Variants in CLIC5 observed in about 807,000 individuals in gnomAD.
CLIC5 encodes the protein chloride intracellular channel protein 5.
Under a neutral mutation model 24.7 loss-of-function variants are expected in CLIC5, and 20 were observed. The ratio of observed to expected loss-of-function variants is 0.81; its 90% CI spans 0.57 to 1.18. The LOEUF (loss-of-function observed/expected upper bound fraction) is 1.18. Ranked by LOEUF, CLIC5 falls within the 50% of genes most tolerant of loss-of-function variation. The pLI, the probability that CLIC5 is intolerant of heterozygous loss-of-function variation, is 0.00. For missense variants in CLIC5, 341 were observed against 326.1 expected (o/e 1.05, Z -0.35); for synonymous variants, 159 against 135.6 (o/e 1.17, Z -1.20).
At chr6:45,968,745 A>G (rs963459189) in intron 1 of CLIC5, among the ~76,000 whole-genome samples, 3 of 152,200 alleles carry the variant, frequency 2.0e-5, no homozygotes, top group African/African-American at 4.8e-5. Flanking sequence ...AGTGCTATGA[A>G]TTTGTAATAG....
upstream of CLIC5, among the ~76,000 whole-genome samples, chr6:46,019,008 G>C (rs1427022579): frequency 1.3e-5 from 2 of 151,676 alleles, no homozygotes; most frequent in Non-Finnish European, 1.5e-5. Flanking sequence ...ACTCTAAGTA[G>C]CCTGAGAAAA....
At chr6:45,885,288 A>C (rs1269672062) in intron 6 of CLIC5, among the ~76,000 whole-genome samples, 1 of 152,144 alleles carries the variant, frequency 6.6e-6, no homozygotes, top group African/African-American at 2.4e-5. Context: ...TCAGCCTTCC[A>C]CTACCTGGAA....
chr6:46,019,517 T>C (rs1383732168), upstream of CLIC5, among the ~76,000 whole-genome samples: 1 of 149,368 alleles, frequency 6.7e-6, no homozygotes, highest in Non-Finnish European at 1.5e-5. Flanking sequence ...AAACCCCGTC[T>C]CTACTAAAAA....
At chr6:45,980,585 G>A (rs1042407191) in intron 1 of CLIC5, among the ~76,000 whole-genome samples, 2 of 151,784 alleles carry the variant, frequency 1.3e-5, no homozygotes, top group Non-Finnish European at 2.9e-5. Flanking sequence ...AAAGGAGAGA[G>A]ATGGCTTTAG....
At chr6:46,069,357 A>G (rs778781532) in intron 1 of CLIC5, among the ~76,000 whole-genome samples, 16 of 152,166 alleles carry the variant, frequency 1.1e-4, no homozygotes, top group Non-Finnish European at 1.9e-4. Context: ...AATAAACACA[A>G]TTAGAAACAA....
At chr6:46,017,405 G>A (rs1767049658), upstream of CLIC5, among the ~76,000 whole-genome samples, 1 of 152,196 alleles carries the variant, frequency 6.6e-6, no homozygotes, top group Non-Finnish European at 1.5e-5. Flanking sequence ...TTTACAAATA[G>A]TATAATGATC....
At chr6:46,124,661 T>G in the CLIC5 span, among the ~76,000 whole-genome samples, 4 of 152,182 alleles carry the variant, frequency 2.6e-5, no homozygotes, top group South Asian at 8.3e-4. Context: ...GGGAGAAAAT[T>G]TTTGCAATCT....
At chr6:45,969,994 G>A (rs1275809264) in intron 1 of CLIC5, among the ~76,000 whole-genome samples, 1 of 152,034 alleles carries the variant, frequency 6.6e-6, no homozygotes, top group Non-Finnish European at 1.5e-5. Flanking sequence ...AGTAAAATGG[G>A]GGCGCAGTGC....
chr6:45,952,000 C>G (rs1764487049), intron 2 of CLIC5, among the ~76,000 whole-genome samples: 1 of 152,168 alleles, frequency 6.6e-6, no homozygotes, highest in South Asian at 2.1e-4. Context: ...TGTGCATGTC[C>G]CTCATTTTAG....
chr6:45,886,423 C>G (rs1359430160), intron 6 of CLIC5, among the ~76,000 whole-genome samples: 1 of 152,226 alleles, frequency 6.6e-6, no homozygotes, highest in Non-Finnish European at 1.5e-5. Context: ...GTGCATACCC[C>G]TTTCATCAGC....
chr6:45,883,752 C>T (rs1762281618), intron 6 of CLIC5: 2 of 152,216 alleles, frequency 1.3e-5, no homozygotes, highest in Admixed American at 1.3e-4. Context: ...ACTAAACATG[C>T]CTGGAGGAAA....
chr6:45,902,877 A>C lies in CLIC5; in HGVS notation c.*211T>G. 1 of 579,782 alleles carries C rather than the reference A, an allele frequency of 1.7e-6. No individual in the cohort carries two copies. The highest frequency in any genetic ancestry group is 3.0e-6 in the Non-Finnish European group (1 of 331,358). 35.9% of individuals were successfully genotyped at this position (579,782 alleles called of 1,614,324 possible). On this transcript the variant is annotated 3_prime_UTR_variant, in exon 6 of 6. Transcript: ENST00000339561. ...GCCGGCCGAAAGGTGGACTGTGTCT[A>C]TCATTTCTGCTAGATTCCTATGTGA...
intron 1 of CLIC5, among the ~76,000 whole-genome samples, chr6:45,985,731 C>T (rs1435672843): frequency 2.0e-5 from 3 of 152,130 alleles, no homozygotes; most frequent in Non-Finnish European, 4.4e-5. Flanking sequence ...CATCCCTTTT[C>T]CAAAGGTCAT....
intron 1 of CLIC5, among the ~76,000 whole-genome samples, chr6:46,036,989 G>A (rs1045203283): frequency 1.7e-4 from 26 of 151,942 alleles, no homozygotes; most frequent in African/African-American, 5.3e-4. Context: ...AGAAGAACAA[G>A]CAAGAAAAAA....
chr6:45,990,826 G>A (rs912775465), intron 1 of CLIC5, among the ~76,000 whole-genome samples: 3 of 152,210 alleles, frequency 2.0e-5, no homozygotes, highest in African/African-American at 7.2e-5. Flanking sequence ...GTTGTTGTTT[G>A]ATTGGTGTGA....
At chr6:45,958,153 G>A (rs1764708410) in intron 1 of CLIC5, among the ~76,000 whole-genome samples, 1 of 151,914 alleles carries the variant, frequency 6.6e-6, no homozygotes, top group Admixed American at 6.6e-5. Flanking sequence ...CAAGAAGAGG[G>A]AAATTTCGGC....
intron 1 of CLIC5, among the ~76,000 whole-genome samples, chr6:46,001,880 T>C (rs942033358): frequency 5.3e-5 from 8 of 152,158 alleles, no homozygotes; most frequent in African/African-American, 1.9e-4. Flanking sequence ...CAATATCTGG[T>C]GCATAGGAGA....
At chr6:45,881,545 A>C (rs1334030491) in intron 6 of CLIC5, among the ~76,000 whole-genome samples, 1 of 152,156 alleles carries the variant, frequency 6.6e-6, no homozygotes. Flanking sequence ...TACCAATAGA[A>C]GGCTCCAGAC....
chr6:46,045,514 G>T lies in CLIC5; in HGVS notation c.540+34189C>A, dbSNP rs148594288. Among the ~76,000 whole-genome samples, 19 of 152,228 alleles carry T rather than the reference G, an allele frequency of 1.2e-4. No individual in the cohort carries two copies. In the East Asian group the frequency reaches 3.7e-3, roughly 29 times the overall value. On this transcript the variant is annotated intron_variant, in intron 1 of 5. Coordinates refer to the CLIC5 transcript ENST00000185206. Reference sequence around the variant, plus strand: ...CACTGGCCCATTCTCCATGATGCTGGTTGCCAAGAAACCATTGGCCTTCTA... The same window carrying T: ...CACTGGCCCATTCTCCATGATGCTGTTTGCCAAGAAACCATTGGCCTTCTA...
Sources: allele counts gnomAD v4.1 joint callset (sites outside exome capture counted in the v4.1 genomes callset), GRCh38; gene constraint gnomAD v4.1.1; transcripts MANE v1.5; gene names NCBI Gene and HGNC (gene_info 2026-07-23, HGNC 2026-07-21).